SYN3: variants seen among roughly 807,000 people sequenced by gnomAD.
The protein encoded by SYN3 is synapsin III.
Under a neutral mutation model 65.8 loss-of-function variants are expected in SYN3, and 35 were observed. The ratio of observed to expected loss-of-function variants is 0.53; its 90% CI spans 0.41 to 0.70. The LOEUF is 0.70. SYN3 is among the 30% of genes least tolerant of loss of function. The pLI is 0.00. For missense variants in SYN3, 680 were observed against 749.0 expected, an observed-to-expected ratio of 0.91 and a Z score of 1.08; for synonymous variants, 270 against 292.9, an observed-to-expected ratio of 0.92 and a Z score of 0.80.
rs368752244 is a variant in SYN3 at position 32,658,817 on chromosome 22, C to G, written c.712-62081G>C. 2.7e-3 allele frequency among the ~76,000 whole-genome samples: 408 copies of G among 152,238 alleles called. 1 individual carries two copies. The highest frequency in any genetic ancestry group is 9.1e-3 in the African/African-American group (377 of 41,522). On this transcript the variant is annotated intron_variant, in intron 6 of 13. Coordinates refer to ENST00000358763, the MANE Select transcript of SYN3 (RefSeq NM_003490.4). ...TCTGAGGGAGAAGGCAGAGAAAGGA[C>G]ATTTCAGGCACAGTGAACATGTGTG... is the stretch of plus-strand genomic sequence containing the variant.
At chr22:32,611,313 G>T (rs1166827062) in intron 6 of SYN3, among the ~76,000 whole-genome samples, 4 of 144,262 alleles carry the variant, frequency 2.8e-5, no homozygotes, top group Non-Finnish European at 4.5e-5. Context: ...TTTGTGGGGG[G>T]GATGGAGTCT....
At chr22:32,684,623 A>G (rs2147126797) in intron 6 of SYN3, among the ~76,000 whole-genome samples, 1 of 152,318 alleles carries the variant, frequency 6.6e-6, no homozygotes, top group African/African-American at 2.4e-5. Flanking sequence ...AAAGCATTGA[A>G]TTAGGATTCC....
At chr22:32,990,301 AATCCATCCATCCATCCATCC>A (rs113493698) in intron 2 of SYN3, among the ~76,000 whole-genome samples, 9 of 139,442 alleles carry the variant, frequency 6.5e-5, no homozygotes, top group African/African-American at 1.8e-4. Context: ...TCCATCCATG[AATCCATCCATCCATCCATCC>A]ATCCATCCAT....
chr22:32,702,749 A>C (rs2060826670), intron 6 of SYN3, among the ~76,000 whole-genome samples: 1 of 151,852 alleles, frequency 6.6e-6, no homozygotes, highest in South Asian at 2.1e-4. Flanking sequence ...AAAAAAAATG[A>C]CAGTGGTTTT....
chr22:32,963,658 C>T (rs988140603), intron 3 of SYN3, among the ~76,000 whole-genome samples: 1 of 152,046 alleles, frequency 6.6e-6, no homozygotes, highest in Non-Finnish European at 1.5e-5. Flanking sequence ...TTGCCTCCTC[C>T]AATGTCTCTC....
chr22:33,044,906 G>A (rs1202348076), intron 1 of SYN3, among the ~76,000 whole-genome samples: 5 of 149,654 alleles, frequency 3.3e-5, no homozygotes, highest in Non-Finnish European at 5.9e-5. Context: ...GCAATGGCAT[G>A]ATCTCGGCTC....
At chr22:32,937,518 C>T (rs960975013) in intron 3 of SYN3, among the ~76,000 whole-genome samples, 17 of 152,118 alleles carry the variant, frequency 1.1e-4, no homozygotes, top group African/African-American at 4.1e-4. Flanking sequence ...AAGGGGGAAG[C>T]AAGCACTATC....
At chr22:32,982,984 C>T (rs907566281) in intron 2 of SYN3, among the ~76,000 whole-genome samples, 1 of 152,248 alleles carries the variant, frequency 6.6e-6, no homozygotes, top group South Asian at 2.1e-4. Flanking sequence ...TGCTTTTGCT[C>T]AACTCTGAAA....
At chr22:33,042,001 C>T (rs987065386) in intron 1 of SYN3, among the ~76,000 whole-genome samples, 6 of 152,130 alleles carry the variant, frequency 3.9e-5, no homozygotes, top group African/African-American at 9.7e-5. Context: ...ATGTTAAAAC[C>T]GCAATCCCTA....
chr22:32,948,978 G>A lies in SYN3; in HGVS notation c.370-17497C>T, dbSNP rs143841657. 1.3e-3 allele frequency among the ~76,000 whole-genome samples: 204 copies of A among 151,928 alleles called. 1 individual carries two copies. The highest frequency in any genetic ancestry group is 4.5e-3 in the African/African-American group (187 of 41,446). ...TTATCTGAAATGCTTGGGACCAGAAGTGTTTTGCATTTTGGATTTGTTTTC... is the reference window on the plus strand; with the variant it reads ...TTATCTGAAATGCTTGGGACCAGAAATGTTTTGCATTTTGGATTTGTTTTC... On this transcript the variant is annotated intron_variant, in intron 3 of 13. Coordinates refer to ENST00000358763, the MANE Select transcript of SYN3 (RefSeq NM_003490.4).
chr22:32,988,964 T>C (rs1369791430), intron 2 of SYN3, among the ~76,000 whole-genome samples: 1 of 151,684 alleles, frequency 6.6e-6, no homozygotes, highest in East Asian at 1.9e-4. Flanking sequence ...CTCTGCTTCC[T>C]CTTCCGTAGA....
chr22:32,867,642 G>A (rs1265762287), intron 5 of SYN3, among the ~76,000 whole-genome samples: 5 of 152,156 alleles, frequency 3.3e-5, no homozygotes, highest in Non-Finnish European at 7.3e-5. Context: ...GAGCGCAGTG[G>A]CGCAATCTCA....
At chr22:33,009,234 C>CAA (rs2053285988) in intron 1 of SYN3, among the ~76,000 whole-genome samples, 1 of 152,118 alleles carries the variant, frequency 6.6e-6, no homozygotes, top group Non-Finnish European at 1.5e-5. Context: ...TTTGATTTTG[C>CAA]ACACTCCATT....
At chr22:32,935,366 A>G (rs1054225824) in intron 3 of SYN3, among the ~76,000 whole-genome samples, 1 of 151,792 alleles carries the variant, frequency 6.6e-6, no homozygotes, top group Non-Finnish European at 1.5e-5. Flanking sequence ...AAAAAACGCT[A>G]CTATCAGAAT....
At chr22:32,568,894 G>A (rs532765536) in intron 7 of SYN3, among the ~76,000 whole-genome samples, 6 of 152,256 alleles carry the variant, frequency 3.9e-5, no homozygotes, top group African/African-American at 1.4e-4. Flanking sequence ...AATACTGAGG[G>A]GCCTCCTGAA....
At chr22:33,020,127 T>C (rs912345715) in intron 1 of SYN3, among the ~76,000 whole-genome samples, 3 of 152,198 alleles carry the variant, frequency 2.0e-5, no homozygotes, top group Admixed American at 2.0e-4. Flanking sequence ...CACAGTCACA[T>C]AGAGGCCCCA....
chr22:32,814,116 G>A (rs1290464173), intron 6 of SYN3, among the ~76,000 whole-genome samples: 1 of 6,770 alleles, frequency 1.5e-4, no homozygotes, highest in East Asian at 0.014. Flanking sequence ...TCGTGTGTGT[G>A]TGTGTGTGTG....
chr22:32,533,739 T>C, intron 10 of SYN3, 54 bp downstream of exon 10: 1 of 1,309,654 alleles, frequency 7.6e-7, no homozygotes, highest in South Asian at 1.2e-5. Flanking sequence ...TCCCTCCCCC[T>C]GGCACGCCTG....
intron 6 of SYN3, among the ~76,000 whole-genome samples, chr22:32,679,048 CTTT>C (rs145971116): frequency 1.3e-4 from 11 of 85,636 alleles, no homozygotes; most frequent in African/African-American, 4.5e-4. Flanking sequence ...TTGTTTCTTT[CTTT>C]TTTTTTTTTT....
Sources: allele counts gnomAD v4.1 joint callset (sites outside exome capture counted in the v4.1 genomes callset), GRCh38; gene constraint gnomAD v4.1.1; transcripts MANE v1.5; gene names NCBI Gene and HGNC (gene_info 2026-07-23, HGNC 2026-07-21).